The following PFKFB4 variants were observed in gnomAD, a reference collection of about 807,000 sequenced individuals.
PFKFB4 encodes the protein 6-phosphofructo-2-kinase/fructose-2,6-bisphosphatase 4.
Under a neutral mutation model 62.8 loss-of-function variants are expected in PFKFB4, and 42 were observed. The ratio of observed to expected loss-of-function variants is 0.67; its 90% CI spans 0.52 to 0.86. The LOEUF is 0.86. Ranked by LOEUF, PFKFB4 falls within the 40% of genes least tolerant of loss-of-function variation. The probability of loss-of-function intolerance (pLI) is 0.00; values close to 1 mark genes in which losing one functional copy is unlikely to be tolerated. For synonymous variants in PFKFB4, 204 were observed against 240.7 expected (o/e 0.85, Z 1.41); for missense variants, 475 against 627.2 (o/e 0.76, Z 2.59).
At position 48,539,296 on chromosome 3, in the gene PFKFB4, C is replaced by T; in HGVS notation, c.468G>A (p.Glu156=). 1 of 1,614,020 alleles carries T rather than the reference C, an allele frequency of 6.2e-7. No homozygotes were observed. Reference sequence around the variant, plus strand: ...TGACCTCAGGATCCACACAGATGGACTCGACAAAAAAGGTCTGCGGCAGGA... The same window carrying T: ...TGACCTCAGGATCCACACAGATGGATTCGACAAAAAAGGTCTGCGGCAGGA... ...EQNGYKTFFV[E]SICVDPEVIA... is the part of the protein sequence containing the mutation. The change falls in exon 6 of 14, where the codon GAG becomes GAA. Residue 156 remains glutamate, a synonymous_variant. Transcript: ENST00000232375.
At chr3:48,525,425 C>T in intron 10 of PFKFB4, 140 bp downstream of exon 10, 1 of 534,580 alleles carries the variant, frequency 1.9e-6, no homozygotes, top group South Asian at 2.3e-5. Flanking sequence ...ATGAACCACA[C>T]ACCCAGGCTG....
intron 1 of PFKFB4, among the ~76,000 whole-genome samples, chr3:48,553,438 C>T (rs2043216343): frequency 6.6e-6 from 1 of 151,932 alleles, no homozygotes; most frequent in African/African-American, 2.4e-5. Flanking sequence ...TGTGCCACTG[C>T]ACTCCAGCCT....
At chr3:48,532,114 C>T (rs969633982) in intron 9 of PFKFB4, among the ~76,000 whole-genome samples, 5 of 152,158 alleles carry the variant, frequency 3.3e-5, no homozygotes, top group Non-Finnish European at 5.9e-5. Context: ...TGAGACCAGT[C>T]TGGCCAACAT....
intron 3 of PFKFB4, among the ~76,000 whole-genome samples, chr3:48,544,751 T>C (rs894129283): frequency 6.6e-6 from 1 of 152,096 alleles, no homozygotes; most frequent in Non-Finnish European, 1.5e-5. Context: ...GACAAGAGTC[T>C]TACTCTCTGT....
rs376507956 is a variant in PFKFB4 at position 48,534,397 on chromosome 3, GATAAAC to G, written c.987+1109_987+1114del. Among the ~76,000 whole-genome samples, 656 of 152,214 alleles carry G rather than the reference GATAAAC, an allele frequency of 4.3e-3. 4 individuals carry two copies. The highest frequency in any genetic ancestry group is 0.015 in the African/African-American group (628 of 41,538). On this transcript the variant is annotated intron_variant, in intron 9 of 13. Transcript: ENST00000232375. ...GAGAATCTCAATAAACCCCAAGGAT[GATAAAC>G]ATAAAGAAAACCATACTGAGATACA...
intron 4 of PFKFB4, among the ~76,000 whole-genome samples, chr3:48,541,158 C>T (rs1487349384): frequency 6.6e-6 from 1 of 150,874 alleles, no homozygotes; most frequent in Non-Finnish European, 1.5e-5. Flanking sequence ...GATCTCAGCT[C>T]GCTGCAAGCT....
intron 9 of PFKFB4, among the ~76,000 whole-genome samples, chr3:48,529,790 C>T (rs1338369918): frequency 2.6e-5 from 4 of 152,060 alleles, no homozygotes; most frequent in Non-Finnish European, 5.9e-5. Flanking sequence ...CCCATCTTTA[C>T]AGAAAATACA....
Position 48,539,221 on chromosome 3 carries a change from C to T in PFKFB4, c.510+33G>A, listed in dbSNP as rs564566477. ...TGAAAAGGGATGTCCCTGTCACACA[C>T]GACCTTCTGACAAGGTCAGATGCAC... On this transcript the variant is annotated intron_variant, in intron 6 of 13. Transcript: ENST00000232375. The T allele has an allele frequency of 7.7e-6, 12 of 1,557,894 alleles. 1 individual carries two copies. The highest frequency in any genetic ancestry group is 6.8e-5 in the African/African-American group (5 of 73,918).
intron 10 of PFKFB4, among the ~76,000 whole-genome samples, chr3:48,524,807 C>T (rs930238364): frequency 1.3e-5 from 2 of 152,046 alleles, no homozygotes; most frequent in Admixed American, 1.3e-4. Flanking sequence ...TTTATTTGGC[C>T]CCTGCCCCAG....
chr3:48,539,634 G>A lies in PFKFB4; in HGVS notation c.453+63C>T, dbSNP rs2042739967. 7 of 1,354,650 alleles carry A rather than the reference G, an allele frequency of 5.2e-6. No individual in the cohort carries two copies. The South Asian group carries it at 5.8e-5, about 11-fold the overall frequency. The allele number at this position is 1,354,650 out of a possible 1,614,324, so 83.9% of individuals were successfully genotyped here. ...CTCATGCATAAGCAGGCGGTGAAAGGAGCCCTGGAGGGCAGGGGACATGCC... is the reference window on the plus strand; with the variant it reads ...CTCATGCATAAGCAGGCGGTGAAAGAAGCCCTGGAGGGCAGGGGACATGCC... On this transcript the variant is annotated intron_variant, in intron 5 of 13. Coordinates refer to ENST00000232375, the MANE Select transcript of PFKFB4 (RefSeq NM_004567.4).
chr3:48,523,566 G>C lies in PFKFB4; in HGVS notation c.1256C>G (p.Thr419Arg). 6.2e-7 allele frequency: 1 copy of C among 1,614,168 alleles called. No individual in the cohort carries two copies. Among genetic ancestry groups the C allele is most frequent in the South Asian group, 1.1e-5 (1 of 91,092 alleles). The part of the protein sequence containing the change: ...QLPYLKCPLH[T>R]VLKLTPVAYG... Reference sequence around the variant, plus strand: ...TGCCACAGGAGTCAGCTTCAGGACTGTGTGCAGCGGACACTTGAGGTAGGG... The same window carrying C: ...TGCCACAGGAGTCAGCTTCAGGACTCTGTGCAGCGGACACTTGAGGTAGGG... Residue 419 changes from threonine to arginine, a missense_variant, in exon 12 of 14, where the codon ACA becomes AGA. Thr to Arg is a moderately conservative substitution (Grantham distance 71). Coordinates refer to ENST00000232375, the MANE Select transcript of PFKFB4 (RefSeq NM_004567.4).
intron 12 of PFKFB4, 38 bp downstream of exon 12, chr3:48,523,499 A>T: frequency 6.3e-7 from 1 of 1,588,950 alleles, no homozygotes; most frequent in Non-Finnish European, 8.6e-7. Flanking sequence ...ATCCAAGGTC[A>T]TGGCTACCCA....
At chr3:48,526,776 T>TA (rs534684214) in intron 9 of PFKFB4, among the ~76,000 whole-genome samples, 7,719 of 145,306 alleles carry the variant, frequency 0.053, 267 homozygotes, top group Non-Finnish European at 0.076. Context: ...CCGTCTCTAC[T>TA]AAAAAAATAC....
chr3:48,560,869 C>T (rs917353143), upstream of PFKFB4, among the ~76,000 whole-genome samples: 1 of 151,884 alleles, frequency 6.6e-6, no homozygotes, highest in Admixed American at 6.6e-5. Context: ...CTTGGCCCAG[C>T]CCCCTCTCCC....
At chr3:48,547,341 C>T (rs139000822) in intron 3 of PFKFB4, among the ~76,000 whole-genome samples, 144 of 152,054 alleles carry the variant, frequency 9.5e-4, no homozygotes, top group African/African-American at 2.5e-3. Flanking sequence ...TACGCATGTC[C>T]GGATGTGTGC....
At chr3:48,538,731 T>G (rs2042708490) in intron 6 of PFKFB4, 112 bp from the exon 7 acceptor site, 4 of 1,370,722 alleles carry the variant, frequency 2.9e-6, no homozygotes, top group African/African-American at 2.9e-5. Context: ...CGGAGACCAG[T>G]GCGGGAACCT....
chr3:48,519,819 AAC>A lies in PFKFB4; in HGVS notation c.1351-15_1351-14del. 6.2e-7 allele frequency: 1 copy of A among 1,610,774 alleles called. No individual in the cohort carries two copies. Among genetic ancestry groups the A allele is most frequent in the Non-Finnish European group, 8.5e-7 (1 of 1,177,054 alleles). ...AGATGTCCACGTTCTGTACAATAAA[AAC>A]ACAGAGCGTTCACTCCATGGCAGGA... On this transcript the variant is annotated splice_polypyrimidine_tract_variant and intron_variant, in intron 13 of 13. Transcript: ENST00000232375.
upstream of PFKFB4, chr3:48,560,992 C>G: frequency 1.0e-6 from 1 of 998,128 alleles, no homozygotes; most frequent in Non-Finnish European, 1.3e-6. Flanking sequence ...CCAGCACCAC[C>G]CTGACTTCAT....
intron 7 of PFKFB4, among the ~76,000 whole-genome samples, chr3:48,538,172 AG>A (rs1575379235): frequency 6.6e-6 from 1 of 152,226 alleles, no homozygotes; most frequent in African/African-American, 2.4e-5. Context: ...ACATCCTCCA[AG>A]GTCTAAATAA....
Sources: allele counts gnomAD v4.1 joint callset (sites outside exome capture counted in the v4.1 genomes callset), GRCh38; gene constraint gnomAD v4.1.1; transcripts MANE v1.5; gene names NCBI Gene and HGNC (gene_info 2026-07-23, HGNC 2026-07-21).